Variants in CSMD3 observed in about 807,000 individuals in gnomAD.
CSMD3 encodes the protein CUB and sushi domain-containing protein 3.
CSMD3 carries 177 observed loss-of-function variants against 435.2 expected under a neutral mutation model. That is an observed-to-expected ratio of 0.41 (90% CI 0.36 to 0.46). The LOEUF is 0.46. Ranked by LOEUF, CSMD3 falls within the 20% of genes least tolerant of loss-of-function variation. The probability of loss-of-function intolerance (pLI) is 0.34; values close to 1 mark genes in which losing one functional copy is unlikely to be tolerated. For missense variants in CSMD3, 4,265 were observed against 4,504.6 expected (o/e 0.95, Z 1.52); for synonymous variants, 1,656 against 1,520.5 (o/e 1.09, Z -2.07).
chr8:113,347,770 T>C (rs2094161976), intron 1 of CSMD3, among the ~76,000 whole-genome samples: 3 of 152,122 alleles, frequency 2.0e-5, no homozygotes, highest in Admixed American at 2.0e-4. Context: ...ACTGTCAAGA[T>C]ACAAGCTTTC....
In CSMD3 at chr8:112,306,168, G is replaced by A. The variant is rs570368138; in HGVS notation, c.7910C>T (p.Ala2637Val). 1 of 1,613,412 alleles carries A rather than the reference G, an allele frequency of 6.2e-7. No homozygotes were observed. The highest frequency in any genetic ancestry group is 1.1e-5 in the South Asian group (1 of 91,064). ...CQAISCGIPK[A>V]PTNGGILTTD... The stretch of plus-strand genomic sequence containing the variant: ...TGTTAGTATTCCTCCATTTGTTGGA[G>A]CTTTAGGAATCCCACAGGAAATTGC... The change falls in exon 51 of 71, where the codon GCT becomes GTT. Residue 2637 changes from alanine to valine, a missense_variant. Transcript: ENST00000297405.
chr8:112,306,266 T>A (rs2130789690), intron 50 of CSMD3, 74 bp from the exon 51 acceptor site: 1 of 1,083,532 alleles, frequency 9.2e-7, no homozygotes, highest in South Asian at 1.3e-5. Flanking sequence ...TCTGCTGAAC[T>A]GTAAAACATG....
chr8:112,916,951 A>C (rs908851414), intron 10 of CSMD3, among the ~76,000 whole-genome samples: 1 of 152,016 alleles, frequency 6.6e-6, no homozygotes, highest in Non-Finnish European at 1.5e-5. Context: ...GAAAAAGTTA[A>C]GACCCTGAGC....
At chr8:112,660,119 A>T (rs2075345393) in intron 17 of CSMD3, among the ~76,000 whole-genome samples, 1 of 152,170 alleles carries the variant, frequency 6.6e-6, no homozygotes, top group African/African-American at 2.4e-5. Context: ...AATAAGAGGA[A>T]TTATTAAAGA....
chr8:113,032,561 A>G (rs2087160020), intron 5 of CSMD3, among the ~76,000 whole-genome samples: 1 of 151,680 alleles, frequency 6.6e-6, no homozygotes, highest in Non-Finnish European at 1.5e-5. Context: ...TTGAAAGTGT[A>G]CATTTAATAT....
intron 13 of CSMD3, among the ~76,000 whole-genome samples, chr8:112,704,936 T>C (rs2076466675): frequency 6.6e-6 from 1 of 152,078 alleles, no homozygotes; most frequent in South Asian, 2.1e-4. Flanking sequence ...AAATGGGATA[T>C]AGTGGGAATG....
chr8:112,327,917 A>G (rs1279037743), intron 45 of CSMD3, among the ~76,000 whole-genome samples: 2 of 152,192 alleles, frequency 1.3e-5, no homozygotes, highest in African/African-American at 2.4e-5. Context: ...ATCCAACCCA[A>G]TTCCAGAAAA....
At chr8:112,533,233 GA>G (rs140087966) in intron 27 of CSMD3, among the ~76,000 whole-genome samples, 1,857 of 151,396 alleles carry the variant, frequency 0.012, 34 homozygotes, top group African/African-American at 0.043. Context: ...AAAATAACCA[GA>G]AAAAAAAGTA....
intron 13 of CSMD3, among the ~76,000 whole-genome samples, chr8:112,742,688 G>A (rs901960004): frequency 5.9e-5 from 9 of 151,496 alleles, no homozygotes; most frequent in African/African-American, 1.7e-4. Flanking sequence ...TGCCTGTCTC[G>A]ATGATTGAAA....
chr8:112,935,986 A>C (rs2083271080), intron 9 of CSMD3, among the ~76,000 whole-genome samples: 1 of 152,096 alleles, frequency 6.6e-6, no homozygotes, highest in African/African-American at 2.4e-5. Context: ...TATGCCTTGG[A>C]ATAAAATCTC....
chr8:113,186,664 T>C (rs2092507165), intron 3 of CSMD3, among the ~76,000 whole-genome samples: 1 of 152,110 alleles, frequency 6.6e-6, no homozygotes, highest in Middle Eastern at 3.4e-3. Flanking sequence ...ATTATGGAAC[T>C]CTTCGGGGCA....
Position 112,656,156 on chromosome 8 carries a change from T to C in CSMD3, c.3002A>G (p.Glu1001Gly). The change falls in exon 18 of 71, where the codon GAA becomes GGA. Residue 1001 changes from glutamate (E) to glycine (G), a missense_variant and splice_region_variant. Glu to Gly is a moderately conservative substitution (Grantham distance 98, BLOSUM62 -2). Transcript: ENST00000297405. Reference sequence around the variant, plus strand: ...CAAAAAGTTTTATCATTACTTACTTTCATAATGAATCTTGAAACCATTATT... The same window carrying C: ...CAAAAAGTTTTATCATTACTTACTTCCATAATGAATCTTGAAACCATTATT... ...RSNNGFKIHY[E>G]SVTVNTYSCL... 1 of 1,518,592 alleles carries C rather than the reference T, an allele frequency of 6.6e-7. No homozygotes were observed. Among genetic ancestry groups the C allele is most frequent in the Non-Finnish European group, 9.1e-7 (1 of 1,093,944 alleles). The allele number at this position is 1,518,592 out of a possible 1,614,324, so 94.1% of individuals were successfully genotyped here. A position where few individuals can be genotyped will look rare whatever the true frequency, so the allele number is the denominator to read the frequency against.
chr8:113,435,820 A>G (rs1329942183), intron 1 of CSMD3, among the ~76,000 whole-genome samples: 1 of 152,086 alleles, frequency 6.6e-6, no homozygotes, highest in Non-Finnish European at 1.5e-5. Flanking sequence ...AGAGCTATGG[A>G]TCTATTTTCT....
intron 5 of CSMD3, among the ~76,000 whole-genome samples, chr8:113,053,673 T>C (rs2088193964): frequency 6.6e-6 from 1 of 152,152 alleles, no homozygotes; most frequent in South Asian, 2.1e-4. Context: ...GGGCTATTAC[T>C]ATATGCACTG....
At chr8:112,612,709 C>CTTTTTTTTTTTTTTTTTTTTT (rs532290154) in intron 22 of CSMD3, among the ~76,000 whole-genome samples, 2 of 65,888 alleles carry the variant, frequency 3.0e-5, no homozygotes, top group African/African-American at 1.2e-4. Flanking sequence ...TTTCTTTGTT[C>CTTTTTTTTTTTTTTTTTTTTT]TTTTTTTTTT....
intron 32 of CSMD3, among the ~76,000 whole-genome samples, chr8:112,447,894 A>G (rs1319828376): frequency 6.6e-6 from 1 of 152,110 alleles, no homozygotes; most frequent in African/African-American, 2.4e-5. Context: ...AATCTTCTGG[A>G]GTGAATTGTG....
At chr8:112,662,972 G>A (rs1476935815) in intron 17 of CSMD3, among the ~76,000 whole-genome samples, 2 of 152,016 alleles carry the variant, frequency 1.3e-5, no homozygotes, top group Admixed American at 6.6e-5. Flanking sequence ...AAACCACAAC[G>A]AGATACCATC....
In CSMD3 at chr8:113,260,365, C is replaced by G. The variant is rs528247039; in HGVS notation, c.514+18227G>C. ...TTTTGTTCAGTTATTCATGTTCAAA[C>G]CTTCATAAATATAACAAATTCCAGT... On this transcript the variant is annotated intron_variant, in intron 3 of 70. Coordinates refer to ENST00000297405, the MANE Select transcript of CSMD3 (RefSeq NM_198123.2). Among the ~76,000 whole-genome samples, 6 of 152,222 alleles carry G rather than the reference C, an allele frequency of 3.9e-5. No homozygotes were observed. The South Asian group carries it at 1.2e-3, about 32-fold the overall frequency.
chr8:112,381,297 G>T (rs1427769379), intron 37 of CSMD3, among the ~76,000 whole-genome samples: 22 of 152,058 alleles, frequency 1.4e-4, no homozygotes, highest in Admixed American at 1.4e-3. Context: ...GCATTATAAT[G>T]ATATTTTTCT....
Sources: allele counts gnomAD v4.1 joint callset (sites outside exome capture counted in the v4.1 genomes callset), GRCh38; gene constraint gnomAD v4.1.1; transcripts MANE v1.5; gene names NCBI Gene and HGNC (gene_info 2026-07-23, HGNC 2026-07-21).